NEDD9: variants seen among roughly 807,000 people sequenced by gnomAD.
NEDD9 encodes enhancer of filamentation 1.
In NEDD9, 26 loss-of-function variants were observed where a neutral mutation model predicts 76.6. The observed-to-expected ratio is 0.34, with a 90% confidence interval of 0.25 to 0.47. The LOEUF (loss-of-function observed/expected upper bound fraction) is 0.47. Among genes scored for constraint, NEDD9 ranks in the 20% least tolerant of loss-of-function variants. NEDD9 has a pLI of 1.00. For missense variants in NEDD9, 937 were observed against 1,058.5 expected (o/e 0.89, Z 1.59); for synonymous variants, 392 against 414.2 (o/e 0.95, Z 0.65).
chr6:11,369,385 G>A (rs1047997597), intron 1 of NEDD9, among the ~76,000 whole-genome samples: 1 of 152,060 alleles, frequency 6.6e-6, no homozygotes, highest in Non-Finnish European at 1.5e-5. Flanking sequence ...GAGGGGAGAA[G>A]AATTATTATT....
intron 2 of NEDD9, chr6:11,200,800 A>G (rs1475349858): frequency 1.1e-5 from 16 of 1,449,926 alleles, no homozygotes; most frequent in Non-Finnish European, 1.4e-5. Context: ...TCGTATCAGT[A>G]TTGGCATTAT....
intron 3 of NEDD9, among the ~76,000 whole-genome samples, chr6:11,242,772 G>A (rs1759733395): frequency 6.6e-6 from 1 of 152,098 alleles, no homozygotes; most frequent in Non-Finnish European, 1.5e-5. Context: ...CAGATTCACA[G>A]TTCCTTGTTC....
intron 2 of NEDD9, among the ~76,000 whole-genome samples, chr6:11,329,562 A>G (rs905626667): frequency 1.3e-5 from 2 of 152,170 alleles, no homozygotes; most frequent in African/African-American, 4.8e-5. Flanking sequence ...AATTCTTCTC[A>G]ACTGTAATGT....
chr6:11,224,767 G>A (rs771537355), intron 1 of NEDD9, among the ~76,000 whole-genome samples: 4 of 152,186 alleles, frequency 2.6e-5, no homozygotes, highest in Non-Finnish European at 5.9e-5. Context: ...GGCGGAGGGT[G>A]TTGGGGGGCA....
chr6:11,325,315 A>T (rs1761899985), intron 2 of NEDD9, among the ~76,000 whole-genome samples: 1 of 151,790 alleles, frequency 6.6e-6, no homozygotes, highest in South Asian at 2.1e-4. Flanking sequence ...AGATCATGCC[A>T]CTGCACTCCA....
At chr6:11,366,012 G>A (rs1762757682) in intron 1 of NEDD9, among the ~76,000 whole-genome samples, 1 of 151,870 alleles carries the variant, frequency 6.6e-6, no homozygotes, top group Non-Finnish European at 1.5e-5. Flanking sequence ...GAGGCTGGGC[G>A]TGGTGGCTCA....
chr6:11,213,776 C>T lies in NEDD9; in HGVS notation c.13-49G>A. On this transcript the variant is annotated intron_variant, in intron 1 of 6. Transcript: ENST00000379446. The surrounding 1 kb of genome is among the most constrained non-coding windows in gnomAD (Gnocchi z 5.4). ...AACCGTGTTAGAATATTGGGTCGGT[C>T]CCTTTATCACCTAAGGCCCGTGCTC... The T allele has an allele frequency of 6.5e-7, 1 of 1,547,880 alleles. No individual in the cohort carries two copies. The highest frequency in any genetic ancestry group is 2.2e-5 in the East Asian group (1 of 44,446).
intron 3 of NEDD9, among the ~76,000 whole-genome samples, chr6:11,276,359 G>A (rs1760416293): frequency 6.6e-6 from 1 of 152,154 alleles, no homozygotes; most frequent in Non-Finnish European, 1.5e-5. Context: ...ATGTGTGCAT[G>A]CGTGTGTGTG....
At chr6:11,306,578 C>T (rs970810900) in intron 2 of NEDD9, among the ~76,000 whole-genome samples, 3 of 152,108 alleles carry the variant, frequency 2.0e-5, no homozygotes, top group African/African-American at 7.2e-5. Flanking sequence ...TGCCTATAAC[C>T]TACAGTTTTA....
intron 3 of NEDD9, among the ~76,000 whole-genome samples, chr6:11,278,330 C>T (rs1304436345): frequency 6.6e-6 from 1 of 152,178 alleles, no homozygotes; most frequent in Non-Finnish European, 1.5e-5. Flanking sequence ...ACCCTGTCCC[C>T]AGCCCTCTCT....
exon 1 of NEDD9, chr6:11,382,161 G>A (rs1763075317): frequency 6.6e-6 from 1 of 152,240 alleles, no homozygotes; most frequent in South Asian, 2.1e-4. Flanking sequence ...TGGAACCGCT[G>A]GTGGATCATC....
At chr6:11,380,479 T>C (rs1003527010) in intron 1 of NEDD9, among the ~76,000 whole-genome samples, 7 of 152,350 alleles carry the variant, frequency 4.6e-5, no homozygotes, top group African/African-American at 1.7e-4. Flanking sequence ...GGAATTTTCG[T>C]CTGCCCTTTG....
chr6:11,200,677 T>C (rs774911907), intron 2 of NEDD9: 9 of 1,244,204 alleles, frequency 7.2e-6, no homozygotes, highest in Non-Finnish European at 8.1e-6. Context: ...TGTATAGTGC[T>C]CAAAATGAGA....
At chr6:11,265,764 A>G (rs1165432813) in intron 3 of NEDD9, among the ~76,000 whole-genome samples, 1 of 152,226 alleles carries the variant, frequency 6.6e-6, no homozygotes, top group Admixed American at 6.5e-5. Flanking sequence ...TCACAATAAG[A>G]AGGATATGTG....
chr6:11,338,841 G>C (rs140082380), intron 1 of NEDD9, among the ~76,000 whole-genome samples: 2 of 150,758 alleles, frequency 1.3e-5, no homozygotes, highest in African/African-American at 4.9e-5. Flanking sequence ...AGAATTGCTT[G>C]AACCTGGGAG....
chr6:11,323,876 A>G (rs1287003556), intron 2 of NEDD9, among the ~76,000 whole-genome samples: 1 of 152,216 alleles, frequency 6.6e-6, no homozygotes, highest in Non-Finnish European at 1.5e-5. Flanking sequence ...CCCATTCTTA[A>G]CGATGATAAA....
chr6:11,299,861 A>G (rs1188734131), intron 3 of NEDD9, among the ~76,000 whole-genome samples: 1 of 152,230 alleles, frequency 6.6e-6, no homozygotes, highest in African/African-American at 2.4e-5. Flanking sequence ...TAGGTCACCA[A>G]TGTCAAAGTC....
rs774425973 is a variant in NEDD9 at position 11,185,353 on chromosome 6, T to A, written c.2314A>T (p.Ile772Phe). Residue 772 changes from isoleucine (I) to phenylalanine (F), a missense_variant, in exon 7 of 7, where the codon ATT becomes TTT. Ile to Phe is a conservative substitution (Grantham distance 21). Coordinates refer to ENST00000379446, the MANE Select transcript of NEDD9 (RefSeq NM_006403.4). Reference protein sequence around the residue: ...TLTRQVTAQDIRNKVMNSSNQ... With the variant: ...TLTRQVTAQDFRNKVMNSSNQ... Reference sequence around the variant, plus strand: ...CTGGAGTTCATGACTTTGTTGCGAATGTCCTGGGCAGTCACCTGCCGTGTC... The same window carrying A: ...CTGGAGTTCATGACTTTGTTGCGAAAGTCCTGGGCAGTCACCTGCCGTGTC... 6.2e-7 allele frequency: 1 copy of A among 1,614,110 alleles called. No individual in the cohort carries two copies. The highest frequency in any genetic ancestry group is 1.1e-5 in the South Asian group (1 of 91,094).
intron 3 of NEDD9, among the ~76,000 whole-genome samples, chr6:11,291,278 T>G (rs984249065): frequency 1.1e-4 from 16 of 141,516 alleles, no homozygotes; most frequent in African/African-American, 4.2e-4. Context: ...TTTTTTTTTT[T>G]TTTTTTTTTT....
Sources: allele counts gnomAD v4.1 joint callset (sites outside exome capture counted in the v4.1 genomes callset), GRCh38; gene constraint gnomAD v4.1.1; non-coding constraint Gnocchi (gnomAD v3.1); transcripts MANE v1.5; gene names NCBI Gene and HGNC (gene_info 2026-07-23, HGNC 2026-07-21).